CLSTN1: variants seen among roughly 807,000 people sequenced by gnomAD.
CLSTN1 encodes calsyntenin 1.
In CLSTN1, 28 loss-of-function variants were observed where a neutral mutation model predicts 108.3. That is an observed-to-expected ratio of 0.26 (90% CI 0.19 to 0.35). The LOEUF (loss-of-function observed/expected upper bound fraction) is 0.35. Ranked by LOEUF, CLSTN1 falls within the 10% of genes least tolerant of loss-of-function variation. CLSTN1 has a pLI of 1.00. For synonymous variants in CLSTN1, 524 were observed against 534.9 expected, an observed-to-expected ratio of 0.98 and a Z score of 0.28; for missense variants, 1,157 against 1,302.6, an observed-to-expected ratio of 0.89 and a Z score of 1.72.
chr1:9,786,578 G>T (rs970300817), intron 1 of CLSTN1, among the ~76,000 whole-genome samples: 1 of 147,346 alleles, frequency 6.8e-6, no homozygotes, highest in Non-Finnish European at 1.5e-5. Context: ...GGGAGGTGGA[G>T]GTTGCAGTGA....
chr1:9,748,146 C>T (rs1651371458), intron 7 of CLSTN1, among the ~76,000 whole-genome samples: 2 of 152,184 alleles, frequency 1.3e-5, no homozygotes, highest in South Asian at 2.1e-4. Flanking sequence ...AGCTGTTTCA[C>T]AAAAGCTTTT....
intron 5 of CLSTN1, 25 bp downstream of exon 5, chr1:9,751,448 G>A (rs995915085): frequency 2.5e-6 from 4 of 1,612,236 alleles, no homozygotes; most frequent in Non-Finnish European, 2.5e-6. Context: ...CTACCTAGCT[G>A]AAAAGCCGGC....
intron 1 of CLSTN1, among the ~76,000 whole-genome samples, chr1:9,774,551 G>C (rs1652845230): frequency 6.6e-6 from 1 of 151,576 alleles, no homozygotes; most frequent in South Asian, 2.1e-4. Flanking sequence ...GGGCGACAGA[G>C]TGAGACTCCG....
At chr1:9,813,672 C>T (rs1654859857) in intron 1 of CLSTN1, among the ~76,000 whole-genome samples, 1 of 152,188 alleles carries the variant, frequency 6.6e-6, no homozygotes, top group Non-Finnish European at 1.5e-5. Context: ...GTCTGCATTT[C>T]AGATGGAATT....
chr1:9,741,197 G>A lies in CLSTN1; in HGVS notation c.1416C>T (p.Leu472=). Residue 472 remains leucine, a synonymous_variant, in exon 10 of 19, where the codon CTC becomes CTT. Coordinates refer to ENST00000377298, the MANE Select transcript of CLSTN1 (RefSeq NM_001009566.3). ...GCTCGTGGGACGTGCCATCCACATA[G>A]AGAGTCACACTCGGGAATTCTACAT... is the stretch of plus-strand genomic sequence containing the variant. ...VLNVEFPSVT[L]YVDGTSHEPF... is the part of the protein sequence containing the mutation. 1 of 1,614,046 alleles carries A rather than the reference G, an allele frequency of 6.2e-7. No individual in the cohort carries two copies. The highest frequency in any genetic ancestry group is 8.5e-7 in the Non-Finnish European group (1 of 1,179,962).
chr1:9,733,857 C>T (rs1190896815), intron 15 of CLSTN1, 115 bp downstream of exon 15: 3 of 1,129,824 alleles, frequency 2.7e-6, no homozygotes, highest in Non-Finnish European at 3.8e-6. Context: ...GCTCCTTCCC[C>T]ATCTCCCTCT....
intron 1 of CLSTN1, among the ~76,000 whole-genome samples, chr1:9,785,456 T>C (rs1007884768): frequency 2.0e-5 from 3 of 152,036 alleles, no homozygotes; most frequent in South Asian, 2.1e-4. Flanking sequence ...ACCAAATACA[T>C]AGCTTAGACA....
rs960097875 is a variant in CLSTN1, at chr1:9,734,426, T to C, written c.2111-284A>G. Among the ~76,000 whole-genome samples the C allele has an allele frequency of 6.6e-6, 1 of 151,946 alleles. No homozygotes were observed. Among genetic ancestry groups the C allele is most frequent in the Non-Finnish European group, 1.5e-5 (1 of 67,980 alleles). On this transcript the variant is annotated intron_variant, in intron 14 of 18. Transcript: ENST00000377298. The surrounding 1 kb of genome is among the most constrained non-coding windows in gnomAD (Gnocchi z 4.8). ...CCCGTCTCTACTAAAAATACAAAAA[T>C]TAACCGGGCGTTGTGGCAGGTCCCT...
At chr1:9,796,499 C>A (rs143714132) in intron 1 of CLSTN1, among the ~76,000 whole-genome samples, 1 of 149,472 alleles carries the variant, frequency 6.7e-6, no homozygotes, top group Non-Finnish European at 1.5e-5. Flanking sequence ...ACACATGAAA[C>A]CCCGTCTCTA....
chr1:9,767,046 T>G lies in CLSTN1; in HGVS notation c.214+6226A>C, dbSNP rs374451452. ...CTGGGCCCAGAGGCGGCTCTGTCAC[T>G]TATGAGCTGTGTGATCCTGGGTAAA... On this transcript the variant is annotated intron_variant, in intron 2 of 18. Coordinates refer to ENST00000377298, the MANE Select transcript of CLSTN1 (RefSeq NM_001009566.3). Among the ~76,000 whole-genome samples the G allele has an allele frequency of 9.8e-5, 15 of 152,364 alleles. No homozygotes were observed. The East Asian group carries it at 1.7e-3, about 18-fold the overall frequency.
chr1:9,824,112 C>T (rs1473089721), upstream of CLSTN1: 2 of 144,322 alleles, frequency 1.4e-5, no homozygotes, highest in African/African-American at 2.5e-5. This position sits in a 1 kb window ranked among gnomAD's most constrained non-coding sequence, Gnocchi z 5.0. Context: ...GGGAGAGGAG[C>T]GGAGGGAGCG....
intron 16 of CLSTN1, among the ~76,000 whole-genome samples, chr1:9,732,230 C>T (rs1397227339): frequency 6.6e-6 from 1 of 152,078 alleles, no homozygotes; most frequent in African/African-American, 2.4e-5. Context: ...CTGTGTTGCC[C>T]GGGCTGGAGC....
intron 1 of CLSTN1, among the ~76,000 whole-genome samples, chr1:9,818,135 G>A (rs1211717517): frequency 6.6e-6 from 1 of 151,164 alleles, no homozygotes; most frequent in South Asian, 2.1e-4. Flanking sequence ...AGCCTCCTGA[G>A]TAGCTGGGAC....
At chr1:9,812,421 C>T (rs1654798103) in intron 1 of CLSTN1, among the ~76,000 whole-genome samples, 1 of 152,188 alleles carries the variant, frequency 6.6e-6, no homozygotes, top group African/African-American at 2.4e-5. Flanking sequence ...ACAAGCAGCT[C>T]TGGTGAAAAT....
chr1:9,775,944 G>A (rs1261741305), intron 1 of CLSTN1, among the ~76,000 whole-genome samples: 1 of 152,048 alleles, frequency 6.6e-6, no homozygotes, highest in African/African-American at 2.4e-5. Flanking sequence ...GCATCTGGAA[G>A]GAAGACAGAC....
chr1:9,798,569 G>A (rs1158723862), intron 1 of CLSTN1, among the ~76,000 whole-genome samples: 2 of 152,154 alleles, frequency 1.3e-5, no homozygotes, highest in Non-Finnish European at 2.9e-5. Flanking sequence ...GCCGATTAGT[G>A]GTTGCCAAGT....
intron 1 of CLSTN1, among the ~76,000 whole-genome samples, chr1:9,808,561 G>A (rs1446213243): frequency 6.6e-6 from 1 of 152,140 alleles, no homozygotes; most frequent in Non-Finnish European, 1.5e-5. Context: ...AATGTATCAA[G>A]ACAAAGCTAG....
Position 9,823,160 on chromosome 1 carries a change from A to C in CLSTN1, c.91+483T>G, listed in dbSNP as rs1196810949. Among the ~76,000 whole-genome samples, 2 of 152,192 alleles carry C rather than the reference A, an allele frequency of 1.3e-5. No homozygotes were observed. Among genetic ancestry groups the C allele is most frequent in the Non-Finnish European group, 2.9e-5 (2 of 68,034 alleles). On this transcript the variant is annotated intron_variant, in intron 1 of 18. Transcript: ENST00000377298. This position sits in a 1 kb window ranked among gnomAD's most constrained non-coding sequence, Gnocchi z 6.3. ...ATGCGGAGGAGTGGGCTCTTATGTAAGCACACACCAAAACTGTGCGTGCAC... is the reference window on the plus strand; with the variant it reads ...ATGCGGAGGAGTGGGCTCTTATGTACGCACACACCAAAACTGTGCGTGCAC...
At chr1:9,781,137 G>A (rs192554426) in intron 1 of CLSTN1, 28 of 751,064 alleles carry the variant, frequency 3.7e-5, no homozygotes, top group Admixed American at 9.8e-5. Context: ...ATTTGTGTAC[G>A]GCTTTGTGAA....
Sources: allele counts gnomAD v4.1 joint callset (sites outside exome capture counted in the v4.1 genomes callset), GRCh38; gene constraint gnomAD v4.1.1; non-coding constraint Gnocchi (gnomAD v3.1); transcripts MANE v1.5; gene names NCBI Gene and HGNC (gene_info 2026-07-23, HGNC 2026-07-21).